The following BARD1 variants were observed in gnomAD, a reference collection of about 807,000 sequenced individuals.
The protein encoded by BARD1 is BRCA1-associated RING domain protein 1.
In BARD1, 73 loss-of-function variants were observed where a neutral mutation model predicts 77.0. That is an observed-to-expected ratio of 0.95 (90% CI 0.79 to 1.15). The LOEUF (loss-of-function observed/expected upper bound fraction) is 1.15. Ranked by LOEUF, BARD1 falls within the 50% of genes most tolerant of loss-of-function variation. The probability of loss-of-function intolerance (pLI) is 0.00; values close to 1 mark genes in which losing one functional copy is unlikely to be tolerated. For missense variants in BARD1, 993 were observed against 938.8 expected (o/e 1.06, Z -0.75); for synonymous variants, 384 against 338.0 (o/e 1.14, Z -1.49).
At chr2:214,732,630 C>T (rs891153126) in intron 9 of BARD1, among the ~76,000 whole-genome samples, 7 of 152,104 alleles carry the variant, frequency 4.6e-5, no homozygotes, top group African/African-American at 9.7e-5. Flanking sequence ...CTCCTGACCT[C>T]GTGATCTGCA....
intron 5 of BARD1, among the ~76,000 whole-genome samples, chr2:214,768,582 G>GA (rs1553619561): frequency 6.6e-6 from 1 of 152,220 alleles, no homozygotes; most frequent in African/African-American, 2.4e-5. Flanking sequence ...TGAATTTCTA[G>GA]TTACAGGATG....
intron 6 of BARD1, among the ~76,000 whole-genome samples, chr2:214,760,936 A>G (rs56370693): frequency 0.1 from 15,744 of 150,900 alleles, 933 homozygotes; most frequent in African/African-American, 0.15. Flanking sequence ...CACCACGCCC[A>G]GCTAATTTTT....
chr2:214,783,872 C>CATGGCT (rs1320817749), intron 3 of BARD1, among the ~76,000 whole-genome samples: 1 of 152,080 alleles, frequency 6.6e-6, no homozygotes, highest in Non-Finnish European at 1.5e-5. Flanking sequence ...ATTAACTCAA[C>CATGGCT]ATGGATTAAA....
chr2:214,807,730 C>T (rs1696339659), intron 1 of BARD1, among the ~76,000 whole-genome samples: 1 of 58,616 alleles, frequency 1.7e-5, no homozygotes, highest in Admixed American at 2.3e-4. Flanking sequence ...TACTCATATC[C>T]GGAAAATGAG....
chr2:214,745,618 C>G (rs2106020219), intron 8 of BARD1, 104 bp downstream of exon 8: 2 of 1,429,740 alleles, frequency 1.4e-6, no homozygotes, highest in Non-Finnish European at 2.0e-6. Flanking sequence ...ATACAGCCAT[C>G]TCCCAATGGT....
intron 4 of BARD1, among the ~76,000 whole-genome samples, chr2:214,778,637 C>A (rs1694840480): frequency 6.6e-6 from 1 of 152,088 alleles, no homozygotes; most frequent in African/African-American, 2.4e-5. Context: ...AGCCTATGGG[C>A]CAGTCACCCA....
At position 214,735,364 on chromosome 2, in the gene BARD1, CA is replaced by C. The variant is rs1452630578; in HGVS notation, c.1904-4857del. 9.2e-5 allele frequency among the ~76,000 whole-genome samples: 14 copies of C among 152,258 alleles called. No homozygotes were observed. In the East Asian group the frequency reaches 2.5e-3, roughly 27 times the overall value. On this transcript the variant is annotated intron_variant, in intron 9 of 10. Coordinates refer to ENST00000260947, the MANE Select transcript of BARD1 (RefSeq NM_000465.4). ...GAGCTGAAAAGAGGAGGTAAAGTAT[CA>C]CCTTGTTTGACCTCAGCTGGGGACA...
chr2:214,748,840 AAAG>A (rs1227177439), intron 7 of BARD1, among the ~76,000 whole-genome samples: 1 of 144,222 alleles, frequency 6.9e-6, no homozygotes, highest in Non-Finnish European at 1.5e-5. Flanking sequence ...TATGTATCAT[AAAG>A]AATACTCTAA....
rs937034464 is a variant in BARD1 at position 214,739,243 on chromosome 2, T to TA, written c.1903+5823dup. 7.9e-3 allele frequency among the ~76,000 whole-genome samples: 1,139 copies of TA among 144,834 alleles called. 9 individuals carry two copies. The highest frequency in any genetic ancestry group is 0.024 in the African/African-American group (939 of 39,600). On this transcript the variant is annotated intron_variant, in intron 9 of 10. Coordinates refer to ENST00000260947, the MANE Select transcript of BARD1 (RefSeq NM_000465.4). ...CACTTTTAGTCAATACAAAATATCC[T>TA]AAAAAAAAAAAATTAAAATACAGAA...
intron 9 of BARD1, among the ~76,000 whole-genome samples, chr2:214,740,405 T>C (rs1240067481): frequency 6.6e-6 from 1 of 152,008 alleles, no homozygotes; most frequent in Non-Finnish European, 1.5e-5. Context: ...AACGTATTAA[T>C]TTATTCCTAG....
intron 6 of BARD1, among the ~76,000 whole-genome samples, chr2:214,754,052 T>C (rs999571281): frequency 6.6e-6 from 1 of 152,130 alleles, no homozygotes; most frequent in South Asian, 2.1e-4. Flanking sequence ...AAGAAACTCA[T>C]CCACTATTCT....
intron 4 of BARD1, among the ~76,000 whole-genome samples, chr2:214,778,715 T>C (rs1401010481): frequency 6.6e-6 from 1 of 152,196 alleles, no homozygotes; most frequent in Non-Finnish European, 1.5e-5. Context: ...AAGGCAGAGC[T>C]GAACCGCTAT....
At chr2:214,730,555 CTA>C (rs1303727534) in intron 9 of BARD1, 47 bp from the exon 10 acceptor site, 6 of 1,433,722 alleles carry the variant, frequency 4.2e-6, no homozygotes, top group Non-Finnish European at 4.9e-6. Context: ...CAAGTGAGCA[CTA>C]TATCTCTCTC....
At chr2:214,790,701 C>T (rs1158507076) in intron 3 of BARD1, among the ~76,000 whole-genome samples, 1 of 152,088 alleles carries the variant, frequency 6.6e-6, no homozygotes, top group African/African-American at 2.4e-5. Flanking sequence ...ATCATCATAG[C>T]CACAAATCCC....
chr2:214,758,996 T>C (rs1415449009), intron 6 of BARD1, among the ~76,000 whole-genome samples: 2 of 152,228 alleles, frequency 1.3e-5, no homozygotes, highest in Non-Finnish European at 2.9e-5. Flanking sequence ...AGTTCATGAA[T>C]GAAACCCTTC....
chr2:214,809,396 G>C lies in BARD1; in HGVS notation c.158+16C>G. ...CCCGTGCCCTCGCAGCCACCCCCAA[G>C]AAGCTCCGTCTTTACCAACGCGAGC... On this transcript the variant is annotated intron_variant, in intron 1 of 10. Coordinates refer to ENST00000260947, the MANE Select transcript of BARD1 (RefSeq NM_000465.4). 3 of 1,612,282 alleles carry C rather than the reference G, an allele frequency of 1.9e-6. No homozygotes were observed. The highest frequency in any genetic ancestry group is 2.5e-6 in the Non-Finnish European group (3 of 1,179,762).
chr2:214,761,653 A>G (rs192419413), intron 6 of BARD1, among the ~76,000 whole-genome samples: 8 of 152,284 alleles, frequency 5.3e-5, no homozygotes, highest in Admixed American at 3.3e-4. Context: ...AAACAAAAAA[A>G]GTATAAGATC....
intron 5 of BARD1, among the ~76,000 whole-genome samples, chr2:214,768,603 C>T (rs924753023): frequency 6.6e-6 from 1 of 152,140 alleles, no homozygotes; most frequent in African/African-American, 2.4e-5. Flanking sequence ...AAGGCATCCA[C>T]TTCATTTGCT....
In BARD1 at chr2:214,728,929, A is replaced by G; in HGVS notation, c.2081T>C (p.Leu694Pro). The change falls in exon 11 of 11, where the codon CTC (leucine) becomes CCC (proline). Residue 694 changes from leucine to proline, a missense_variant. By Grantham distance (98) the Leu-to-Pro change is moderately conservative. Transcript: ENST00000260947. The stretch of plus-strand genomic sequence containing the variant: ...GATCTGGCCCCCACCTGCAGTGACG[A>G]GCTTAATAAGGTTGTCCTTTGGATG... ...KHHPKDNLIK[L>P]VTAGGGQILS... is the part of the protein sequence containing the mutation. The G allele has an allele frequency of 6.2e-7, 1 of 1,614,148 alleles. No individual in the cohort carries two copies. Among genetic ancestry groups the G allele is most frequent in the Non-Finnish European group, 8.5e-7 (1 of 1,180,008 alleles).
Sources: allele counts gnomAD v4.1 joint callset (sites outside exome capture counted in the v4.1 genomes callset), GRCh38; gene constraint gnomAD v4.1.1; transcripts MANE v1.5; gene names NCBI Gene and HGNC (gene_info 2026-07-23, HGNC 2026-07-21).